The following ST18 variants were observed in gnomAD, a reference collection of about 807,000 sequenced individuals.
ST18 encodes the protein ST18 C2H2C-type zinc finger transcription factor.
In ST18, 50 loss-of-function variants were observed where a neutral mutation model predicts 110.0. The ratio of observed to expected loss-of-function variants is 0.45; its 90% CI spans 0.36 to 0.58. The LOEUF is 0.58. Ranked by LOEUF, ST18 falls within the 20% of genes least tolerant of loss-of-function variation. The pLI is 0.00. For synonymous variants in ST18, 461 were observed against 452.4 expected, an observed-to-expected ratio of 1.02 and a Z score of -0.24; for missense variants, 1,306 against 1,280.1, an observed-to-expected ratio of 1.02 and a Z score of -0.31.
intron 2 of ST18, among the ~76,000 whole-genome samples, chr8:52,351,887 T>A (rs1820518707): frequency 1.3e-5 from 2 of 152,220 alleles, no homozygotes; most frequent in Admixed American, 1.3e-4. Flanking sequence ...CTTCATGTTA[T>A]GCAGTCACAG....
At chr8:52,382,009 C>T (rs922843399) in intron 2 of ST18, among the ~76,000 whole-genome samples, 1 of 150,142 alleles carries the variant, frequency 6.7e-6, no homozygotes, top group South Asian at 2.1e-4. Flanking sequence ...ACAGATTTAC[C>T]ACAGGCCACA....
rs541706547 is a variant in ST18 at position 52,171,259 on chromosome 8, T to C, written c.1069+533A>G. On this transcript the variant is annotated intron_variant, in intron 10 of 25. Transcript: ENST00000689386. ...TCTGAAGAACAATTCTAAAGCCTCC[T>C]CAAAGCACACCTACTCTCTCATTCA... Among the ~76,000 whole-genome samples, 3 of 152,286 alleles carry C rather than the reference T, an allele frequency of 2.0e-5. No homozygotes were observed. The East Asian group carries it at 5.8e-4, about 29-fold the overall frequency.
At chr8:52,238,039 C>T (rs1023919932) in intron 2 of ST18, among the ~76,000 whole-genome samples, 1 of 152,092 alleles carries the variant, frequency 6.6e-6, no homozygotes, top group African/African-American at 2.4e-5. Flanking sequence ...ATTAAGATGG[C>T]TAAAATAAAA....
chr8:52,298,320 C>T (rs1479445710), intron 2 of ST18, among the ~76,000 whole-genome samples: 4 of 152,156 alleles, frequency 2.6e-5, no homozygotes, highest in Admixed American at 1.3e-4. Context: ...TACATTATGA[C>T]ACATTCAAAG....
At chr8:52,138,049 G>A (rs10103293) in intron 17 of ST18, among the ~76,000 whole-genome samples, 8,940 of 143,754 alleles carry the variant, frequency 0.062, 602 homozygotes, top group African/African-American at 0.18. Flanking sequence ...GTGGTGAGCC[G>A]AGATTGCACC....
intron 2 of ST18, among the ~76,000 whole-genome samples, chr8:52,279,969 T>C (rs2095344466): frequency 6.6e-6 from 1 of 152,084 alleles, no homozygotes; most frequent in East Asian, 1.9e-4. Context: ...CAGATACCAA[T>C]GCTAGAAAGA....
At position 52,142,843 on chromosome 8, in the gene ST18, G is replaced by A. The variant is rs538083227; in HGVS notation, c.2168+87C>T. The A allele has an allele frequency of 1.8e-4, 178 of 1,016,304 alleles. No homozygotes were observed. In the African/African-American group the frequency reaches 2.4e-3, roughly 14 times the overall value. 63.0% of individuals were successfully genotyped at this position (1,016,304 alleles called of 1,614,324 possible). On this transcript the variant is annotated intron_variant, in intron 17 of 25. Coordinates refer to ENST00000689386, the MANE Select transcript of ST18 (RefSeq NM_001352837.2). ...GGTAGAAATCACCCTAACATCAACT[G>A]TATAAGCCAGGATATTGTAACTTTA... is the stretch of plus-strand genomic sequence containing the variant.
intron 15 of ST18, among the ~76,000 whole-genome samples, chr8:52,158,024 C>T (rs1316518901): frequency 1.3e-5 from 2 of 152,234 alleles, no homozygotes; most frequent in African/African-American, 4.8e-5. Flanking sequence ...GAAATCATTT[C>T]TTTGAACTGA....
In ST18 at chr8:52,110,917, T is replaced by C. The variant is rs896195634; in HGVS notation, c.*2281A>G. The C allele has an allele frequency of 1.5e-4, 60 of 395,798 alleles. No individual in the cohort carries two copies. The highest frequency in any genetic ancestry group is 4.0e-5 in the Non-Finnish European group (9 of 224,174). The allele number at this position is 395,798 out of a possible 1,614,324, so 24.5% of individuals were successfully genotyped here. ...TTTTGTTGCTTTGATGTAAGAAATATTAAGTGTTTGGAGAAACAGTATACA... is the reference window on the plus strand; with the variant it reads ...TTTTGTTGCTTTGATGTAAGAAATACTAAGTGTTTGGAGAAACAGTATACA... On this transcript the variant is annotated 3_prime_UTR_variant, in exon 26 of 26. Transcript: ENST00000689386.
chr8:52,169,137 G>A (rs759625791), intron 10 of ST18, among the ~76,000 whole-genome samples: 19 of 152,110 alleles, frequency 1.2e-4, no homozygotes, highest in Non-Finnish European at 2.1e-4. Flanking sequence ...TTGTCTGTAA[G>A]TCCCTCCTCT....
intron 24 of ST18, among the ~76,000 whole-genome samples, 185 bp downstream of exon 24, chr8:52,118,153 G>A (rs945337770): frequency 1.3e-5 from 2 of 152,090 alleles, no homozygotes; most frequent in African/African-American, 4.8e-5. Flanking sequence ...CAGAGCTACT[G>A]AATAAATGGT....
intron 9 of ST18, among the ~76,000 whole-genome samples, chr8:52,173,486 A>C (rs2065743309): frequency 6.6e-6 from 1 of 152,190 alleles, no homozygotes; most frequent in Non-Finnish European, 1.5e-5. Context: ...CATTGTTGTC[A>C]GTGTCACCCC....
At chr8:52,381,980 A>AAAAC (rs1554859960) in intron 2 of ST18, among the ~76,000 whole-genome samples, 8 of 151,754 alleles carry the variant, frequency 5.3e-5, no homozygotes, top group African/African-American at 1.9e-4. Context: ...AAAACAAAAA[A>AAAAC]AAACAAAAAA....
chr8:52,351,085 G>A (rs1240843735), intron 2 of ST18, among the ~76,000 whole-genome samples: 1 of 151,866 alleles, frequency 6.6e-6, no homozygotes, highest in Non-Finnish European at 1.5e-5. Context: ...AGTCTGTCTT[G>A]GTATCTCCTA....
intron 8 of ST18, among the ~76,000 whole-genome samples, chr8:52,197,666 G>A (rs1160532003): frequency 2.0e-5 from 3 of 152,148 alleles, no homozygotes; most frequent in Non-Finnish European, 4.4e-5. Flanking sequence ...AAAATAAAAA[G>A]AAGGAACAGT....
Position 52,212,125 on chromosome 8 carries a change from GA to G in ST18, c.56-17del, listed in dbSNP as rs752828085. On this transcript the variant is annotated splice_polypyrimidine_tract_variant and intron_variant, in intron 7 of 25. Transcript: ENST00000689386. ...TCCATTGGCACTGTTGACAAAAGAA[GA>G]AAAAAAAGAAGACTTAATCAGTTGA... The G allele has an allele frequency of 7.6e-6, 12 of 1,588,882 alleles. No individual in the cohort carries two copies. Among genetic ancestry groups the G allele is most frequent in the Middle Eastern group, 1.7e-4 (1 of 5,802 alleles).
intron 2 of ST18, among the ~76,000 whole-genome samples, chr8:52,384,786 G>GCTGTGTGTGTGTGT (rs147007096): frequency 4.5e-4 from 66 of 147,480 alleles, no homozygotes; most frequent in African/African-American, 1.2e-3. Flanking sequence ...TGTGTACACA[G>GCTGTGTGTGTGTGT]GTGTGTGTGT....
chr8:52,254,273 A>G (rs1367638552), intron 2 of ST18: 2 of 152,178 alleles, frequency 1.3e-5, no homozygotes, highest in African/African-American at 2.4e-5. Flanking sequence ...TCCAAAACTT[A>G]TATTTCTCTC....
chr8:52,259,099 T>A lies in ST18; in HGVS notation c.-464-29022A>T, dbSNP rs180988066. On this transcript the variant is annotated intron_variant, in intron 2 of 25. Transcript: ENST00000689386. ...ACACAGGGCATTCATTCTCTCTAGA[T>A]TGGGCTATCTTGGTGACTCAGAGCA... Among the ~76,000 whole-genome samples the A allele has an allele frequency of 3.0e-3, 461 of 152,286 alleles. 2 individuals are homozygous for A. In the Middle Eastern group the frequency reaches 0.044, roughly 15 times the overall value.
Sources: gnomAD v4.1 joint callset for allele counts (sites outside exome capture counted in the v4.1 genomes callset) on GRCh38, gnomAD v4.1.1 for gene constraint, MANE v1.5 for transcripts, NCBI Gene and HGNC (gene_info 2026-07-23, HGNC 2026-07-21) for gene names.